Variants in LARP4B observed in about 807,000 individuals in gnomAD.
The protein encoded by LARP4B is la-related protein 4B.
Under a neutral mutation model 89.8 loss-of-function variants are expected in LARP4B, and 12 were observed. The ratio of observed to expected loss-of-function variants is 0.13; its 90% CI spans 0.09 to 0.22. LARP4B has a LOEUF of 0.22. Ranked by LOEUF, LARP4B falls within the 10% of genes least tolerant of loss-of-function variation. LARP4B has a pLI of 1.00. For missense variants in LARP4B, 757 were observed against 947.7 expected (o/e 0.80, Z 2.64); for synonymous variants, 367 against 363.3 (o/e 1.01, Z -0.12).
chr10:973,338 C>T, the LARP4B span, among the ~76,000 whole-genome samples: 10 of 151,868 alleles, frequency 6.6e-5, no homozygotes, highest in South Asian at 1.2e-3. Context: ...AAAATCCGAA[C>T]GTGATCCGCT....
the LARP4B span, among the ~76,000 whole-genome samples, chr10:943,497 A>T: frequency 0.13 from 20,135 of 152,064 alleles, 1,765 homozygotes; most frequent in Non-Finnish European, 0.2. Context: ...TGGTGCGATC[A>T]TGGCTCACGG....
rs145492562 is a variant in LARP4B, at chr10:810,743, T to A, written c.*2183A>T. On this transcript the variant is annotated 3_prime_UTR_variant, in exon 18 of 18. Coordinates refer to ENST00000316157, the MANE Select transcript of LARP4B (RefSeq NM_015155.3). ...GCCTCGAGGTTGCCTCCCAGCTTTC[T>A]GAGTATTGAGAGTTTGGGTTTCACA... 2 of 151,796 alleles carry A rather than the reference T, an allele frequency of 1.3e-5. No homozygotes were observed. The highest frequency in any genetic ancestry group is 4.8e-5 in the African/African-American group (2 of 41,392). The allele number at this position is 151,796 out of a possible 1,614,324, so 9.4% of individuals were successfully genotyped here.
chr10:921,547 C>A (rs1836981046), intron 1 of LARP4B, among the ~76,000 whole-genome samples: 1 of 152,118 alleles, frequency 6.6e-6, no homozygotes, highest in Non-Finnish European at 1.5e-5. Flanking sequence ...CAACACACTT[C>A]CAAAATTCTG....
intron 13 of LARP4B, among the ~76,000 whole-genome samples, chr10:823,157 T>C (rs143289886): frequency 2.6e-5 from 4 of 152,262 alleles, no homozygotes; most frequent in African/African-American, 9.6e-5. Context: ...AGGAGTTGCA[T>C]GCGCTTTCCC....
chr10:977,111 T>A, the LARP4B span, among the ~76,000 whole-genome samples: 1 of 152,192 alleles, frequency 6.6e-6, no homozygotes, highest in African/African-American at 2.4e-5. Flanking sequence ...GAGTCTACCA[T>A]AAGGTATTTA....
chr10:881,454 G>A (rs1835663747), intron 3 of LARP4B, among the ~76,000 whole-genome samples: 1 of 152,050 alleles, frequency 6.6e-6, no homozygotes, highest in South Asian at 2.1e-4. Context: ...CACTTCACTT[G>A]AGTCAGCCTC....
At position 907,971 on chromosome 10, in the gene LARP4B, C is replaced by T. The variant is rs113785477; in HGVS notation, c.-39-22211G>A. The stretch of plus-strand genomic sequence containing the variant: ...CTGTAATCCTAGCACTTTGGGAGGC[C>T]GAGGCAGGTGCATCACCTGAGGTTA... On this transcript the variant is annotated intron_variant, in intron 1 of 17. Coordinates refer to ENST00000316157, the MANE Select transcript of LARP4B (RefSeq NM_015155.3). 1.5e-3 allele frequency among the ~76,000 whole-genome samples: 235 copies of T among 152,174 alleles called. 3 individuals carry two copies. The highest frequency in any genetic ancestry group is 4.6e-3 in the African/African-American group (193 of 41,516).
At chr10:867,440 T>C (rs1395040689) in intron 3 of LARP4B, among the ~76,000 whole-genome samples, 2 of 152,220 alleles carry the variant, frequency 1.3e-5, no homozygotes, top group African/African-American at 2.4e-5. Flanking sequence ...TCAACACTCA[T>C]CAAGAGTTCA....
chr10:897,316 A>C (rs1223713905), intron 1 of LARP4B, among the ~76,000 whole-genome samples: 2 of 152,236 alleles, frequency 1.3e-5, no homozygotes, highest in African/African-American at 4.8e-5. Context: ...GGGACAACTA[A>C]ATGTCAACAT....
At chr10:916,140 T>C (rs1007174371) in intron 1 of LARP4B, among the ~76,000 whole-genome samples, 2 of 152,214 alleles carry the variant, frequency 1.3e-5, no homozygotes, top group Non-Finnish European at 2.9e-5. Flanking sequence ...TGTTCCAACG[T>C]TACATGAGAT....
chr10:915,557 C>T (rs920641556), intron 1 of LARP4B, among the ~76,000 whole-genome samples: 1 of 152,118 alleles, frequency 6.6e-6, no homozygotes, highest in South Asian at 2.1e-4. Context: ...GTAATCCCAA[C>T]ACTTTGGGAG....
intron 13 of LARP4B, among the ~76,000 whole-genome samples, chr10:824,456 G>A (rs1205800338): frequency 6.6e-6 from 1 of 152,080 alleles, no homozygotes; most frequent in South Asian, 2.1e-4. Context: ...TCATGCCAAC[G>A]TACCCCAGCC....
chr10:883,715 C>T (rs971574792), intron 3 of LARP4B, among the ~76,000 whole-genome samples: 4 of 150,678 alleles, frequency 2.7e-5, no homozygotes, highest in Admixed American at 2.6e-4. Flanking sequence ...GGGAGGATCA[C>T]TTTGAGTTCA....
chr10:973,846 C>T, the LARP4B span, among the ~76,000 whole-genome samples: 2 of 152,106 alleles, frequency 1.3e-5, no homozygotes, highest in Non-Finnish European at 2.9e-5. Context: ...AGCAGTGATA[C>T]CGTGGAGTGA....
At chr10:884,422 G>A in intron 3 of LARP4B, 25 bp downstream of exon 3, 2 of 1,504,968 alleles carry the variant, frequency 1.3e-6, no homozygotes, top group Non-Finnish European at 9.2e-7. Context: ...TAAAAAATCT[G>A]TGATTAATCT....
chr10:881,341 C>T (rs1795474537), intron 3 of LARP4B, among the ~76,000 whole-genome samples: 2 of 152,152 alleles, frequency 1.3e-5, no homozygotes, highest in Admixed American at 6.5e-5. Flanking sequence ...TTGTGTCTAC[C>T]ACTCCTGTCT....
At chr10:827,102 C>T (rs1044401333) in intron 11 of LARP4B, among the ~76,000 whole-genome samples, 4 of 152,064 alleles carry the variant, frequency 2.6e-5, no homozygotes, top group African/African-American at 7.2e-5. Flanking sequence ...GGTGAAACCC[C>T]GTCTCTACTA....
intron 7 of LARP4B, among the ~76,000 whole-genome samples, chr10:841,992 C>G (rs1440340609): frequency 6.6e-6 from 1 of 151,546 alleles, no homozygotes; most frequent in South Asian, 2.1e-4. Flanking sequence ...AAAAAAAAAC[C>G]TGCACAGACT....
chr10:815,118 G>A lies in LARP4B; in HGVS notation c.1696-48C>T, dbSNP rs377065270. 1.4e-4 allele frequency: 214 copies of A among 1,510,214 alleles called. No homozygotes were observed. In the African/African-American group the frequency reaches 1.6e-3, roughly 11 times the overall value. 93.6% of individuals were successfully genotyped at this position (1,510,214 alleles called of 1,614,324 possible). ...CATCAGAGTCCTGCCGGCACTAAGC[G>A]GAGCTGGTACCAGTGCCCGTTCACC... On this transcript the variant is annotated intron_variant, in intron 15 of 17. Transcript: ENST00000316157.
Sources: allele counts gnomAD v4.1 joint callset (sites outside exome capture counted in the v4.1 genomes callset), GRCh38; gene constraint gnomAD v4.1.1; transcripts MANE v1.5; gene names NCBI Gene and HGNC (gene_info 2026-07-23, HGNC 2026-07-21).